ZNF506: variants seen among roughly 807,000 people sequenced by gnomAD.
ZNF506 encodes the protein zinc finger protein 506.
A neutral mutation model predicts 11.6 loss-of-function variants in ZNF506; 10 were observed. That is an observed-to-expected ratio of 0.86 (90% CI 0.53 to 1.46). The LOEUF is 1.46. Among genes scored for constraint, ZNF506 ranks in the 40% most tolerant of loss-of-function variants. The pLI, the probability that ZNF506 is intolerant of heterozygous loss-of-function variation, is 0.00. For missense variants in ZNF506, 425 were observed against 521.2 expected (o/e 0.82, Z 1.80); for synonymous variants, 156 against 173.3 (o/e 0.90, Z 0.78).
At position 19,805,916 on chromosome 19, in the gene ZNF506, G is replaced by C; in HGVS notation, c.226+115C>G. On this transcript the variant is annotated intron_variant, in intron 3 of 3. Transcript: ENST00000540806. ...AGAAAAGAAAAAAAAAGCTGCCCAG[G>C]AACTATTTCCTTGGGAACACAGCTT... 3 of 903,986 alleles carry C rather than the reference G, an allele frequency of 3.3e-6. No individual in the cohort carries two copies. In the South Asian group the frequency reaches 4.7e-5, roughly 14 times the overall value. The allele number at this position is 903,986 out of a possible 1,614,324, so 56.0% of individuals were successfully genotyped here.
Position 19,806,922 on chromosome 19 carries a change from T to C in ZNF506, c.130+20A>G. On this transcript the variant is annotated intron_variant, in intron 2 of 3. Coordinates refer to ENST00000540806, the MANE Select transcript of ZNF506 (RefSeq NM_001099269.3). Reference sequence around the variant, plus strand: ...ACCTTTAGAGTAATATTATGAATTATGTACTCAAGTTATCCTCACCAAGGA... The same window carrying C: ...ACCTTTAGAGTAATATTATGAATTACGTACTCAAGTTATCCTCACCAAGGA... The C allele has an allele frequency of 6.2e-7, 1 of 1,606,798 alleles. No individual in the cohort carries two copies. Among genetic ancestry groups the C allele is most frequent in the Non-Finnish European group, 8.5e-7 (1 of 1,177,664 alleles).
Position 19,794,896 on chromosome 19 carries a change from G to A in ZNF506, c.991C>T (p.His331Tyr). Residue 331 changes from histidine to tyrosine, a missense_variant, in exon 4 of 4, where the codon CAT becomes TAT. His to Tyr is a moderately conservative substitution (Grantham distance 83, BLOSUM62 2). Transcript: ENST00000540806. ...ACATCTCCAGTATGAATTCTCTTAT[G>A]TTTAGTAAGGTTTGAGGAACGGTTA... Reference protein sequence around the residue: ...AFNRSSNLTKHKRIHTGDVPY... With the variant: ...AFNRSSNLTKYKRIHTGDVPY... The A allele has an allele frequency of 6.2e-7, 1 of 1,613,888 alleles. No homozygotes were observed. The highest frequency in any genetic ancestry group is 8.5e-7 in the Non-Finnish European group (1 of 1,179,990).
At chr19:19,819,457 C>G (rs963592548) in intron 1 of ZNF506, among the ~76,000 whole-genome samples, 1 of 152,062 alleles carries the variant, frequency 6.6e-6, no homozygotes, top group East Asian at 1.9e-4. Flanking sequence ...AGGCTACACT[C>G]CATACTTCAG....
Position 19,794,706 on chromosome 19 carries a change from T to G in ZNF506, c.1181A>C (p.Glu394Ala). ...ACATTCTTCACATTTGTACGGTTTC[T>G]CTCCAGTATGAATTATCTTATGTTC... is the stretch of plus-strand genomic sequence containing the variant. ...LTEHKIIHTG[E>A]KPYKCEECGK... The change falls in exon 4 of 4, where the codon GAG becomes GCG. Residue 394 changes from glutamate (E) to alanine (A), a missense_variant. By Grantham distance (107) the Glu-to-Ala change is moderately radical (BLOSUM62 -1). Coordinates refer to ENST00000540806, the MANE Select transcript of ZNF506 (RefSeq NM_001099269.3). 1.9e-6 allele frequency: 3 copies of G among 1,614,036 alleles called. No homozygotes were observed. The highest frequency in any genetic ancestry group is 2.5e-6 in the Non-Finnish European group (3 of 1,180,006).
At chr19:19,799,762 T>C (rs1029780000) in intron 3 of ZNF506, among the ~76,000 whole-genome samples, 2 of 152,002 alleles carry the variant, frequency 1.3e-5, no homozygotes, top group African/African-American at 4.8e-5. Flanking sequence ...CAATTTAACC[T>C]ATAGATTTAA....
chr19:19,806,731 C>A (rs986856392), intron 2 of ZNF506, among the ~76,000 whole-genome samples: 2 of 152,106 alleles, frequency 1.3e-5, no homozygotes, highest in African/African-American at 2.4e-5. Flanking sequence ...GTGAAGAACA[C>A]AGCTCAACTC....
chr19:19,810,293 A>C (rs1361464652), intron 1 of ZNF506, among the ~76,000 whole-genome samples: 43 of 152,188 alleles, frequency 2.8e-4, no homozygotes, highest in Admixed American at 2.8e-3. Context: ...TCCATCCTAA[A>C]GTTTTATATT....
intron 2 of ZNF506, 94 bp downstream of exon 2, chr19:19,806,848 A>T: frequency 7.0e-7 from 1 of 1,436,574 alleles, no homozygotes; most frequent in South Asian, 1.3e-5. Context: ...AAACTCTTGT[A>T]TGCAAAGAAT....
chr19:19,807,536 C>T (rs1222552885), intron 1 of ZNF506, among the ~76,000 whole-genome samples: 1 of 151,948 alleles, frequency 6.6e-6, no homozygotes, highest in Non-Finnish European at 1.5e-5. Context: ...GATGGAGTTT[C>T]GCTCTTGTTG....
intron 1 of ZNF506, among the ~76,000 whole-genome samples, chr19:19,813,453 G>C (rs755430856): frequency 6.6e-6 from 1 of 152,124 alleles, no homozygotes; most frequent in Non-Finnish European, 1.5e-5. Context: ...TCTGCTGGTA[G>C]GAGTGTAAAT....
chr19:19,798,182 T>A lies in ZNF506; in HGVS notation c.227-2522A>T, dbSNP rs570069484. ...GATAAAAGTATGGAAATTATGAACA[T>A]CTGTTAATGAATAGACAACATAAAA... On this transcript the variant is annotated intron_variant, in intron 3 of 3. Coordinates refer to ENST00000540806, the MANE Select transcript of ZNF506 (RefSeq NM_001099269.3). 3 of 152,304 alleles carry A rather than the reference T, an allele frequency of 2.0e-5. 1 individual carries two copies. In the South Asian group the frequency reaches 6.2e-4, roughly 32 times the overall value. The allele number at this position is 152,304 out of a possible 1,614,324, so 9.4% of individuals were successfully genotyped here. A position where few individuals can be genotyped will look rare whatever the true frequency, so the allele number is the denominator to read the frequency against.
intron 3 of ZNF506, chr19:19,796,107 C>T: frequency 5.4e-6 from 1 of 183,660 alleles, no homozygotes; most frequent in Middle Eastern, 1.9e-3. Flanking sequence ...GATGGTGAAA[C>T]CCCGTCTCTA....
chr19:19,804,008 G>T lies in ZNF506; in HGVS notation c.226+2023C>A, dbSNP rs188914297. On this transcript the variant is annotated intron_variant, in intron 3 of 3. Coordinates refer to ENST00000540806, the MANE Select transcript of ZNF506 (RefSeq NM_001099269.3). ...CTATATTGTCAATTTTGTCAATTTT[G>T]TCCATTCAGGACATAGGCATGGGCA... Among the ~76,000 whole-genome samples the T allele has an allele frequency of 5.3e-3, 812 of 152,032 alleles. 8 individuals carry two copies. The highest frequency in any genetic ancestry group is 0.018 in the African/African-American group (727 of 41,454).
intron 1 of ZNF506, chr19:19,820,809 A>G (rs1854280553): frequency 6.6e-6 from 1 of 152,314 alleles, no homozygotes; most frequent in Non-Finnish European, 1.5e-5. Flanking sequence ...CCTCCCATGG[A>G]CTACAAACAA....
rs1450239878 is a variant in ZNF506, at chr19:19,794,652, A to G, written c.1235T>C (p.Leu412Pro). 2 of 1,613,760 alleles carry G rather than the reference A, an allele frequency of 1.2e-6. No homozygotes were observed. Among genetic ancestry groups the G allele is most frequent in the Admixed American group, 1.7e-5 (1 of 59,910 alleles). Residue 412 changes from leucine (L) to proline (P), a missense_variant, in exon 4 of 4, where the codon CTT becomes CCT. Coordinates refer to ENST00000540806, the MANE Select transcript of ZNF506 (RefSeq NM_001099269.3). ...AATATGAATTTTCTTATGTTTATTA[A>G]GGGCTGAGGACCAGTTAAAAGCTTT... ...CGKAFNWSSA[L>P]NKHKKIHIRQ...
In ZNF506 at chr19:19,793,176, C is replaced by T. The variant is rs962248762; in HGVS notation, c.*1376G>A. ...ATGAAATTACAATGCTTCAGAAAATCTCCCTTTTAAAGTTATATACAAAAA... is the reference window on the plus strand; with the variant it reads ...ATGAAATTACAATGCTTCAGAAAATTTCCCTTTTAAAGTTATATACAAAAA... On this transcript the variant is annotated 3_prime_UTR_variant, in exon 4 of 4. Coordinates refer to ENST00000540806, the MANE Select transcript of ZNF506 (RefSeq NM_001099269.3). Among the ~76,000 whole-genome samples the T allele has an allele frequency of 6.6e-6, 1 of 152,044 alleles. No individual in the cohort carries two copies. Among genetic ancestry groups the T allele is most frequent in the Non-Finnish European group, 1.5e-5 (1 of 67,990 alleles).
chr19:19,810,780 T>C (rs192556057), intron 1 of ZNF506, among the ~76,000 whole-genome samples: 1 of 151,386 alleles, frequency 6.6e-6, no homozygotes, highest in East Asian at 1.9e-4. Flanking sequence ...GACCCTAAAA[T>C]ACATACTTTA....
intron 3 of ZNF506, chr19:19,795,904 A>C (rs2062736469): frequency 2.2e-6 from 1 of 459,706 alleles, no homozygotes; most frequent in Admixed American, 3.0e-5. Flanking sequence ...GCAAAGAGCC[A>C]CATAGAAAAA....
At chr19:19,805,132 A>G (rs528637404) in intron 3 of ZNF506, among the ~76,000 whole-genome samples, 2 of 152,174 alleles carry the variant, frequency 1.3e-5, no homozygotes, top group Non-Finnish European at 2.9e-5. Context: ...ACCAATAAAT[A>G]CACTAATTAA....
Sources: gnomAD v4.1 joint callset for allele counts (sites outside exome capture counted in the v4.1 genomes callset) on GRCh38, gnomAD v4.1.1 for gene constraint, MANE v1.5 for transcripts, NCBI Gene and HGNC (gene_info 2026-07-23, HGNC 2026-07-21) for gene names.